The following BCR variants were observed in gnomAD, a reference collection of about 807,000 sequenced individuals.
BCR encodes BCR activator of RhoGEF and GTPase.
BCR carries 58 observed loss-of-function variants against 138.6 expected under a neutral mutation model. The ratio of observed to expected loss-of-function variants is 0.42; its 90% CI spans 0.34 to 0.52. The LOEUF (loss-of-function observed/expected upper bound fraction) is 0.52. BCR is among the 20% of genes least tolerant of loss of function. The pLI, the probability that BCR is intolerant of heterozygous loss-of-function variation, is 0.06. For missense variants in BCR, 1,599 were observed against 1,727.2 expected, an observed-to-expected ratio of 0.93 and a Z score of 1.32; for synonymous variants, 786 against 730.1, an observed-to-expected ratio of 1.08 and a Z score of -1.23.
chr22:23,306,144 G>A (rs1316955955), intron 16 of BCR: 3 of 152,228 alleles, frequency 2.0e-5, no homozygotes, highest in Non-Finnish European at 4.4e-5. Context: ...TGCCAGTCAG[G>A]ACCGCCGTGA....
chr22:23,238,977 CAGAA>C, intron 1 of BCR, among the ~76,000 whole-genome samples: 1 of 152,254 alleles, frequency 6.6e-6, no homozygotes, highest in East Asian at 1.9e-4. Flanking sequence ...TTTTTCTCAA[CAGAA>C]AGAACCCAGG....
At position 23,315,624 on chromosome 22, in the gene BCR, C is replaced by A. The variant is rs945626025; in HGVS notation, c.*102C>A. The stretch of plus-strand genomic sequence containing the variant: ...ACCTTCCTGAGGTGTCCTTGGGCCA[C>A]CCCCAAGTGTTGGGCCATCTGCCAA... On this transcript the variant is annotated 3_prime_UTR_variant, in exon 23 of 23. Transcript: ENST00000305877. 5 of 1,108,448 alleles carry A rather than the reference C, an allele frequency of 4.5e-6. No homozygotes were observed. Among genetic ancestry groups the A allele is most frequent in the Non-Finnish European group, 6.8e-6 (5 of 738,640 alleles). 68.7% of individuals were successfully genotyped at this position (1,108,448 alleles called of 1,614,324 possible).
At chr22:23,279,802 C>T (rs190523471) in intron 8 of BCR, among the ~76,000 whole-genome samples, 55 of 152,296 alleles carry the variant, frequency 3.6e-4, no homozygotes, top group Non-Finnish European at 6.9e-4. Context: ...TGGAGCATGT[C>T]GTAGTCGGTT....
At chr22:23,183,502 GCTCC>G (rs2072297139) in intron 1 of BCR, among the ~76,000 whole-genome samples, 2 of 152,166 alleles carry the variant, frequency 1.3e-5, no homozygotes, top group African/African-American at 4.8e-5. Flanking sequence ...GTGGTGCACG[GCTCC>G]GACCTGCCGT....
chr22:23,215,990 C>T (rs1259449754), intron 1 of BCR, among the ~76,000 whole-genome samples: 2 of 152,158 alleles, frequency 1.3e-5, no homozygotes, highest in African/African-American at 2.4e-5. Context: ...GGAAATCTGG[C>T]TGAGCTGGTA....
rs563385236 is a variant in BCR, at chr22:23,206,176, G to A, written c.1279+23937G>A. On this transcript the variant is annotated intron_variant, in intron 1 of 22. Transcript: ENST00000305877. ...CTGAATGAATATTCCCTGAAACAAG[G>A]CTGGCCATGAGCTAATAATCGTTGA... Among the ~76,000 whole-genome samples the A allele has an allele frequency of 2.0e-5, 3 of 152,294 alleles. No individual in the cohort carries two copies. In the East Asian group the frequency reaches 5.8e-4, roughly 29 times the overall value.
chr22:23,288,806 G>A (rs1258568240), intron 12 of BCR, among the ~76,000 whole-genome samples: 3 of 152,274 alleles, frequency 2.0e-5, no homozygotes, highest in Admixed American at 6.5e-5. Context: ...TCCTTCCTTC[G>A]GGTCCTGCCT....
At chr22:23,271,073 G>A (rs531935966) in intron 5 of BCR, among the ~76,000 whole-genome samples, 2 of 152,348 alleles carry the variant, frequency 1.3e-5, no homozygotes, top group African/African-American at 2.4e-5. Context: ...GTGTTTAGGA[G>A]CATGCTCCTG....
chr22:23,283,746 G>T, intron 8 of BCR: 1 of 528,760 alleles, frequency 1.9e-6, no homozygotes, highest in Middle Eastern at 5.0e-4. Flanking sequence ...GGAGGGATTG[G>T]GAAATTTGTT....
In BCR at chr22:23,186,935, C is replaced by T. The variant is rs186098471; in HGVS notation, c.1279+4696C>T. On this transcript the variant is annotated intron_variant, in intron 1 of 22. Coordinates refer to ENST00000305877, the MANE Select transcript of BCR (RefSeq NM_004327.4). The stretch of plus-strand genomic sequence containing the variant: ...ATTTTCAGTAGAGACGGGGTTTCGC[C>T]ATGTTGGCCAGGCTGGTCTGGAACT... 1.2e-4 allele frequency among the ~76,000 whole-genome samples: 19 copies of T among 152,316 alleles called. 2 individuals carry two copies. The highest frequency in any genetic ancestry group is 6.8e-3 in the Middle Eastern group (2 of 294).
intron 1 of BCR, among the ~76,000 whole-genome samples, chr22:23,203,892 AG>A (rs2072583033): frequency 6.6e-6 from 1 of 152,188 alleles, no homozygotes; most frequent in Non-Finnish European, 1.5e-5. Context: ...AGGAAGCAGA[AG>A]GCCATGGCAG....
chr22:23,296,396 A>G (rs945419814), intron 16 of BCR, among the ~76,000 whole-genome samples: 1 of 150,784 alleles, frequency 6.6e-6, no homozygotes, highest in Non-Finnish European at 1.5e-5. Context: ...AAAAAAAAAA[A>G]TACCAAGTGC....
At chr22:23,267,960 T>TGTCTG (rs1263988471) in intron 4 of BCR, among the ~76,000 whole-genome samples, 2 of 152,174 alleles carry the variant, frequency 1.3e-5, no homozygotes, top group Admixed American at 6.5e-5. Flanking sequence ...ATTTCTTATG[T>TGTCTG]GTCTGAAGGG....
chr22:23,259,514 A>C (rs1568959124), intron 2 of BCR, among the ~76,000 whole-genome samples: 1 of 151,848 alleles, frequency 6.6e-6, no homozygotes, highest in Non-Finnish European at 1.5e-5. Context: ...TACCAAAAAA[A>C]AAATTTTTTT....
chr22:23,181,268 A>G lies in BCR; in HGVS notation c.308A>G (p.Asp103Gly). The G allele has an allele frequency of 1.6e-6, 2 of 1,261,836 alleles. No individual in the cohort carries two copies. The highest frequency in any genetic ancestry group is 6.3e-5 in the South Asian group (2 of 31,824). The allele number at this position is 1,261,836 out of a possible 1,614,324, so 78.2% of individuals were successfully genotyped here. Residue 103 changes from aspartate (D) to glycine (G), a missense_variant, in exon 1 of 23, where the codon GAC (aspartate) becomes GGC (glycine). Coordinates refer to ENST00000305877, the MANE Select transcript of BCR (RefSeq NM_004327.4). ...TCGCGCCCGCAGCCAGCGCCCGCCG[A>G]CGGAGCCGACCCGCCGCCCGCCGAG... is the stretch of plus-strand genomic sequence containing the variant. ...SASRPQPAPADGADPPPAEEP... is the reference protein window; with the variant it reads ...SASRPQPAPAGGADPPPAEEP...
rs376908017 is a variant in BCR at position 23,241,452 on chromosome 22, G to A, written c.1280-12347G>A. Among the ~76,000 whole-genome samples, 606 of 152,218 alleles carry A rather than the reference G, an allele frequency of 4.0e-3. 10 individuals are homozygous for A. The highest frequency in any genetic ancestry group is 0.014 in the African/African-American group (572 of 41,526). The stretch of plus-strand genomic sequence containing the variant: ...CTGAGCACCTTTGCTGGTGTGGAGG[G>A]ACTCCCTCCAGTCACTTTCAGACCT... On this transcript the variant is annotated intron_variant, in intron 1 of 22. Transcript: ENST00000305877.
intron 1 of BCR, among the ~76,000 whole-genome samples, chr22:23,243,708 G>A (rs938289203): frequency 2.0e-5 from 3 of 151,328 alleles, no homozygotes; most frequent in Middle Eastern, 3.4e-3. Context: ...GAGTGCAGTG[G>A]CGAGATCTCG....
intron 16 of BCR, among the ~76,000 whole-genome samples, chr22:23,304,968 A>T (rs958944157): frequency 6.6e-6 from 1 of 152,144 alleles, no homozygotes; most frequent in Non-Finnish European, 1.5e-5. Flanking sequence ...TACAAAAATT[A>T]ACCGGGCATG....
intron 7 of BCR, 55 bp from the exon 8 acceptor site, chr22:23,273,579 G>C: frequency 6.2e-7 from 1 of 1,608,154 alleles, no homozygotes; most frequent in Admixed American, 1.7e-5. Flanking sequence ...TTTGCACACA[G>C]TGGCAGGTGC....
Sources: allele counts gnomAD v4.1 joint callset (sites outside exome capture counted in the v4.1 genomes callset), GRCh38; gene constraint gnomAD v4.1.1; transcripts MANE v1.5; gene names NCBI Gene and HGNC (gene_info 2026-07-23, HGNC 2026-07-21).